ALPK1: variants seen among roughly 807,000 people sequenced by gnomAD.
ALPK1 encodes alpha kinase 1, also known as alpha-protein kinase 1.
In ALPK1, 110 loss-of-function variants were observed where a neutral mutation model predicts 120.6. That is an observed-to-expected ratio of 0.91 (90% CI 0.78 to 1.07). The LOEUF (loss-of-function observed/expected upper bound fraction) is 1.07. ALPK1 is among the 50% of genes least tolerant of loss of function. The pLI is 0.00. For synonymous variants in ALPK1, 582 were observed against 560.3 expected, an observed-to-expected ratio of 1.04 and a Z score of -0.55; for missense variants, 1,498 against 1,483.9, an observed-to-expected ratio of 1.01 and a Z score of -0.16.
rs1728608865 is a variant in ALPK1 at position 112,315,788 on chromosome 4, T to C, written c.-152-13T>C. The C allele has an allele frequency of 6.6e-6, 1 of 152,246 alleles. No homozygotes were observed. The highest frequency in any genetic ancestry group is 2.1e-4 in the South Asian group (1 of 4,836). The allele number at this position is 152,246 out of a possible 1,614,324, so 9.4% of individuals were successfully genotyped here. A position where few individuals can be genotyped will look rare whatever the true frequency, so the allele number is the denominator to read the frequency against. ...AACAAAGTCCTCTGTTTTTATGTCT[T>C]TTTCTTAACTAGGAAGTTCTTCTAA... is the stretch of plus-strand genomic sequence containing the variant. On this transcript the variant is annotated splice_polypyrimidine_tract_variant and intron_variant, in intron 1 of 15. Coordinates refer to ENST00000650871, the MANE Select transcript of ALPK1 (RefSeq NM_025144.4).
chr4:112,363,050 A>G (rs1730984783), intron 2 of ALPK1, among the ~76,000 whole-genome samples: 1 of 152,236 alleles, frequency 6.6e-6, no homozygotes, highest in Admixed American at 6.5e-5. Context: ...AGAATTTGCC[A>G]CTACCAAGCC....
chr4:112,308,613 A>G (rs1728234907), intron 1 of ALPK1, among the ~76,000 whole-genome samples: 1 of 151,976 alleles, frequency 6.6e-6, no homozygotes, highest in African/African-American at 2.4e-5. Flanking sequence ...TCATTTAAGG[A>G]CTTCTCTACA....
At chr4:112,400,881 G>C (rs1222726782) in intron 4 of ALPK1, among the ~76,000 whole-genome samples, 1 of 152,152 alleles carries the variant, frequency 6.6e-6, no homozygotes, top group Non-Finnish European at 1.5e-5. Context: ...AGAAGAGAGA[G>C]GAAGGTCTGA....
In ALPK1 at chr4:112,430,958, G is replaced by T; in HGVS notation, c.1411G>T (p.Glu471Ter). 1 of 1,614,004 alleles carries T rather than the reference G, an allele frequency of 6.2e-7. No homozygotes were observed. The highest frequency in any genetic ancestry group is 1.3e-5 in the African/African-American group (1 of 75,038). ...QHHTSVCEVFESDCGNNKNEQ... is the reference protein window; with the variant it reads ...QHHTSVCEVF ...CCATACTTCGGTGTGTGAAGTATTT[G>T]AAAGTGATTGTGGAAACAACAAAAA... Residue 471 changes from glutamate to a stop codon, truncating the protein, a stop_gained, in exon 11 of 16, where the codon GAA (glutamate) becomes TAA (stop). Coordinates refer to ENST00000650871, the MANE Select transcript of ALPK1 (RefSeq NM_025144.4). LOFTEE classifies it high-confidence loss of function.
At chr4:112,384,541 G>T (rs1427644352) in intron 4 of ALPK1, 1 of 152,262 alleles carries the variant, frequency 6.6e-6, no homozygotes, top group African/African-American at 2.4e-5. Flanking sequence ...CTATAAATGT[G>T]AGACCTCCCA....
chr4:112,332,559 T>A (rs1476017898), intron 2 of ALPK1, among the ~76,000 whole-genome samples: 1 of 152,200 alleles, frequency 6.6e-6, no homozygotes, highest in Non-Finnish European at 1.5e-5. Flanking sequence ...TCCTGTGAAA[T>A]GGTGAAATGA....
At chr4:112,359,290 G>A (rs746031315) in intron 2 of ALPK1, 95 of 478,906 alleles carry the variant, frequency 2.0e-4, no homozygotes, top group Non-Finnish European at 1.0e-4. Context: ...GAAGATGCCT[G>A]CAGGGCCCTG....
intron 12 of ALPK1, among the ~76,000 whole-genome samples, chr4:112,437,578 G>A (rs979304336): frequency 3.9e-5 from 6 of 152,168 alleles, no homozygotes; most frequent in African/African-American, 4.8e-5. Flanking sequence ...TCTCTCCATA[G>A]AAGAACTGCC....
intron 3 of ALPK1, among the ~76,000 whole-genome samples, chr4:112,380,845 C>T (rs963280137): frequency 2.0e-5 from 3 of 152,108 alleles, no homozygotes; most frequent in Non-Finnish European, 4.4e-5. Context: ...CAGTGAGAGA[C>T]AGAAATAGTT....
chr4:112,381,328 T>G (rs566841545), intron 3 of ALPK1, among the ~76,000 whole-genome samples: 1 of 152,186 alleles, frequency 6.6e-6, no homozygotes, highest in South Asian at 2.1e-4. Context: ...TGCCAGTCAT[T>G]AAAGTAGAGA....
chr4:112,302,788 A>G (rs1157257828), intron 1 of ALPK1, among the ~76,000 whole-genome samples: 2 of 152,026 alleles, frequency 1.3e-5, no homozygotes, highest in African/African-American at 4.8e-5. Context: ...CTCTTGGTCT[A>G]CTTCCCTTTC....
intron 2 of ALPK1, among the ~76,000 whole-genome samples, chr4:112,369,023 C>T (rs2351455): frequency 0.84 from 127,386 of 151,550 alleles, 53,555 homozygotes; most frequent in Middle Eastern, 0.89. Flanking sequence ...AGGTTTCAGC[C>T]TTTACTTCTT....
intron 10 of ALPK1, among the ~76,000 whole-genome samples, chr4:112,429,845 AAAAAAAAAAG>A (rs1734449494): frequency 7.0e-6 from 1 of 142,966 alleles, no homozygotes; most frequent in Non-Finnish European, 1.5e-5. Flanking sequence ...ACCTCAAAAA[AAAAAAAAAAG>A]AAAAGAAAAG....
At chr4:112,298,681 A>G (rs1485663731) in intron 1 of ALPK1, among the ~76,000 whole-genome samples, 1 of 152,192 alleles carries the variant, frequency 6.6e-6, no homozygotes, top group African/African-American at 2.4e-5. Context: ...AGGCATGTGT[A>G]AATTATGATG....
At chr4:112,424,708 C>T (rs1177822312) in intron 6 of ALPK1, among the ~76,000 whole-genome samples, 1 of 152,174 alleles carries the variant, frequency 6.6e-6, no homozygotes, top group East Asian at 1.9e-4. Context: ...ATATTAACCA[C>T]ACACCCCTCA....
At chr4:112,327,543 C>G (rs1040026104) in intron 2 of ALPK1, among the ~76,000 whole-genome samples, 1 of 152,102 alleles carries the variant, frequency 6.6e-6, no homozygotes, top group African/African-American at 2.4e-5. Context: ...TAAGGGATCC[C>G]CCCGACCTCA....
intron 2 of ALPK1, among the ~76,000 whole-genome samples, chr4:112,334,375 A>G (rs11098151): frequency 0.68 from 102,660 of 150,396 alleles, 35,383 homozygotes; most frequent in East Asian, 0.89. Context: ...GGAGATTGCA[A>G]TGAGCCAAGA....
intron 1 of ALPK1, among the ~76,000 whole-genome samples, chr4:112,306,581 G>T (rs1479568074): frequency 6.6e-6 from 1 of 151,878 alleles, no homozygotes; most frequent in Non-Finnish European, 1.5e-5. Flanking sequence ...TATTTCTGTG[G>T]GATCGGTGGT....
At chr4:112,360,291 G>GTATA (rs558521952) in intron 2 of ALPK1, among the ~76,000 whole-genome samples, 2 of 151,916 alleles carry the variant, frequency 1.3e-5, no homozygotes, top group African/African-American at 4.8e-5. Context: ...TCCATTGTGT[G>GTATA]TATATATATA....
Sources: gnomAD v4.1 joint callset for allele counts (sites outside exome capture counted in the v4.1 genomes callset) on GRCh38, gnomAD v4.1.1 for gene constraint, MANE v1.5 for transcripts, NCBI Gene and HGNC (gene_info 2026-07-23, HGNC 2026-07-21) for gene names.